Variants in CACNA1I observed in about 807,000 individuals in gnomAD.
CACNA1I encodes the protein calcium voltage-gated channel subunit alpha1 I.
CACNA1I carries 74 observed loss-of-function variants against 201.6 expected under a neutral mutation model. That is an observed-to-expected ratio of 0.37 (90% confidence interval 0.30 to 0.45). The LOEUF is 0.45. Among genes scored for constraint, CACNA1I ranks in the 20% least tolerant of loss-of-function variants. The pLI is 1.00. For missense variants in CACNA1I, 2,346 were observed against 3,138.1 expected, an observed-to-expected ratio of 0.75 and a Z score of 6.03; for synonymous variants, 1,431 against 1,345.2, an observed-to-expected ratio of 1.06 and a Z score of -1.40.
At position 39,642,908 on chromosome 22, in the gene CACNA1I, G is replaced by A. The variant is rs765233536; in HGVS notation, c.1149+19G>A. 1.3e-6 allele frequency: 2 copies of A among 1,518,640 alleles called. No individual in the cohort carries two copies. The highest frequency in any genetic ancestry group is 1.4e-5 in the African/African-American group (1 of 73,084). 94.1% of individuals were successfully genotyped at this position (1,518,640 alleles called of 1,614,324 possible). A position where few individuals can be genotyped will look rare whatever the true frequency, so the allele number is the denominator to read the frequency against. On this transcript the variant is annotated intron_variant, in intron 7 of 36. Transcript: ENST00000402142. Reference sequence around the variant, plus strand: ...TATCATAGTAAGTGTCAGGGAGCCTGGGCTCCTAGGTGTGCTCAGAACCCA... The same window carrying A: ...TATCATAGTAAGTGTCAGGGAGCCTAGGCTCCTAGGTGTGCTCAGAACCCA...
At position 39,686,408 on chromosome 22, in the gene CACNA1I, G is replaced by T; in HGVS notation, c.*3G>T. 1 of 1,242,196 alleles carries T rather than the reference G, an allele frequency of 8.1e-7. No individual in the cohort carries two copies. Among genetic ancestry groups the T allele is most frequent in the South Asian group, 2.7e-5 (1 of 36,912 alleles). The allele number at this position is 1,242,196 out of a possible 1,614,324, so 76.9% of individuals were successfully genotyped here. On this transcript the variant is annotated 3_prime_UTR_variant, in exon 37 of 37. Coordinates refer to ENST00000402142, the MANE Select transcript of CACNA1I (RefSeq NM_021096.4). Reference sequence around the variant, plus strand: ...CCGCCAGCAAGAGGAAGAGATGAGGGTCGCAGGGGCCCCCGGCCGCCCACC... The same window carrying T: ...CCGCCAGCAAGAGGAAGAGATGAGGTTCGCAGGGGCCCCCGGCCGCCCACC...
chr22:39,661,386 T>TA lies in CACNA1I; in HGVS notation c.2901+76_2901+77insA, dbSNP rs1935007358. 4.3e-6 allele frequency: 5 copies of TA among 1,149,878 alleles called. No homozygotes were observed. In the Admixed American group the frequency reaches 1.5e-4, roughly 34 times the overall value. The allele number at this position is 1,149,878 out of a possible 1,614,324, so 71.2% of individuals were successfully genotyped here. A position where few individuals can be genotyped will look rare whatever the true frequency, so the allele number is the denominator to read the frequency against. On this transcript the variant is annotated intron_variant, in intron 16 of 36. Transcript: ENST00000402142. The stretch of plus-strand genomic sequence containing the variant: ...TGGAGGGGCCCTGAAGAGAGGTACC[T>TA]GCCAGTCTAGCCTCAGACTCTGGTG...
intron 27 of CACNA1I, 65 bp from the exon 28 acceptor site, chr22:39,672,884 G>T: frequency 6.5e-7 from 1 of 1,531,592 alleles, no homozygotes; most frequent in Non-Finnish European, 8.8e-7. Context: ...CCCCCACTAA[G>T]GTGTGTCTGA....
At position 39,659,221 on chromosome 22, in the gene CACNA1I, C is replaced by A; in HGVS notation, c.2330+105C>A. The A allele has an allele frequency of 7.2e-7, 1 of 1,392,222 alleles. No individual in the cohort carries two copies. The highest frequency in any genetic ancestry group is 9.9e-7 in the Non-Finnish European group (1 of 1,014,172). The allele number at this position is 1,392,222 out of a possible 1,614,324, so 86.2% of individuals were successfully genotyped here. ...GCTTCTCTGGACAAAGCCACCTGGACCTGGGTGTGAAGCCTGACACTGTTC... is the reference window on the plus strand; with the variant it reads ...GCTTCTCTGGACAAAGCCACCTGGAACTGGGTGTGAAGCCTGACACTGTTC... On this transcript the variant is annotated intron_variant, in intron 12 of 36. Coordinates refer to ENST00000402142, the MANE Select transcript of CACNA1I (RefSeq NM_021096.4). This position sits in a 1 kb window ranked among gnomAD's most constrained non-coding sequence, Gnocchi z 4.3.
At chr22:39,653,145 G>A (rs1333540039) in intron 10 of CACNA1I, among the ~76,000 whole-genome samples, 1 of 140,820 alleles carries the variant, frequency 7.1e-6, no homozygotes, top group Non-Finnish European at 1.5e-5. Context: ...CCCCCACACA[G>A]TGGCTAAGAG....
chr22:39,687,051 G>A lies in CACNA1I; in HGVS notation c.*646G>A, dbSNP rs996487238. Reference sequence around the variant, plus strand: ...CTGTCTCGTTATTGTGAAGTCTTTCGTAGACACCCCAGAGCACACACATCC... The same window carrying A: ...CTGTCTCGTTATTGTGAAGTCTTTCATAGACACCCCAGAGCACACACATCC... On this transcript the variant is annotated 3_prime_UTR_variant, in exon 37 of 37. Coordinates refer to ENST00000402142, the MANE Select transcript of CACNA1I (RefSeq NM_021096.4). 2.0e-5 allele frequency: 3 copies of A among 152,180 alleles called. No individual in the cohort carries two copies. Among genetic ancestry groups the A allele is most frequent in the South Asian group, 2.1e-4 (1 of 4,828 alleles). 9.4% of individuals were successfully genotyped at this position (152,180 alleles called of 1,614,324 possible).
In CACNA1I at chr22:39,668,623, A is replaced by G. The variant is rs1301222467; in HGVS notation, c.4194+242A>G. Among the ~76,000 whole-genome samples the G allele has an allele frequency of 2.6e-5, 4 of 152,158 alleles. No individual in the cohort carries two copies. In the East Asian group the frequency reaches 7.7e-4, roughly 29 times the overall value. On this transcript the variant is annotated intron_variant, in intron 24 of 36. Transcript: ENST00000402142. ...ACCCCCCCACTTTGTGTGAAGAGGC[A>G]TCTGAGCTGCACCCTGCCTGGAAGG... is the stretch of plus-strand genomic sequence containing the variant.
At position 39,685,688 on chromosome 22, in the gene CACNA1I, G is replaced by T; in HGVS notation, c.6028-73G>T. 7.9e-7 allele frequency: 1 copy of T among 1,264,096 alleles called. No individual in the cohort carries two copies. Among genetic ancestry groups the T allele is most frequent in the South Asian group, 1.7e-5 (1 of 57,546 alleles). The allele number at this position is 1,264,096 out of a possible 1,614,324, so 78.3% of individuals were successfully genotyped here. A position where few individuals can be genotyped will look rare whatever the true frequency, so the allele number is the denominator to read the frequency against. On this transcript the variant is annotated intron_variant, in intron 36 of 36. Coordinates refer to ENST00000402142, the MANE Select transcript of CACNA1I (RefSeq NM_021096.4). The surrounding 1 kb of genome is among the most constrained non-coding windows in gnomAD (Gnocchi z 5.0). ...GGGTCTGCCTGCTGCCTGCTGTGCGGGGGAGGGCGGCGTCCAGGTTGCTGG... is the reference window on the plus strand; with the variant it reads ...GGGTCTGCCTGCTGCCTGCTGTGCGTGGGAGGGCGGCGTCCAGGTTGCTGG...
rs562328139 is a variant in CACNA1I, at chr22:39,634,728, A to G, written c.740+4A>G. 2 of 1,611,698 alleles carry G rather than the reference A, an allele frequency of 1.2e-6. No homozygotes were observed. The highest frequency in any genetic ancestry group is 2.7e-5 in the African/African-American group (2 of 74,980). On this transcript the variant is annotated splice_donor_region_variant and intron_variant, in intron 5 of 36. Transcript: ENST00000402142. ...TCCTGGAGGAGAACTTCACCATGTGAGTTCATCCCCTGCCACCCATGCAGC... is the reference window on the plus strand; with the variant it reads ...TCCTGGAGGAGAACTTCACCATGTGGGTTCATCCCCTGCCACCCATGCAGC...
At position 39,679,346 on chromosome 22, in the gene CACNA1I, T is replaced by G; in HGVS notation, c.5295T>G (p.Pro1765=). ...GCCTGGGCCCTGGCCCGAGGCTGCC[T>G]ACCGGCTCCCCGGGCGCCCCTGGCC... ...AHGLGPGPRL[P]TGSPGAPGRG... is the part of the protein sequence containing the mutation. Residue 1765 remains proline (P), a synonymous_variant, in exon 32 of 37, where the codon CCT becomes CCG. Coordinates refer to ENST00000402142, the MANE Select transcript of CACNA1I (RefSeq NM_021096.4). The G allele has an allele frequency of 6.5e-7, 1 of 1,542,278 alleles. No individual in the cohort carries two copies. The highest frequency in any genetic ancestry group is 8.7e-7 in the Non-Finnish European group (1 of 1,144,658).
chr22:39,605,146 G>A (rs60399984), intron 3 of CACNA1I, among the ~76,000 whole-genome samples: 4,113 of 123,570 alleles, frequency 0.033, 158 homozygotes, highest in African/African-American at 0.11. Context: ...TCTGTTCCCC[G>A]AGTAACCGGC....
chr22:39,598,035 T>C, intron 1 of CACNA1I, 116 bp from the exon 2 acceptor site: 5 of 655,086 alleles, frequency 7.6e-6, no homozygotes, highest in South Asian at 3.5e-5. Flanking sequence ...GGGAGAAGAA[T>C]GAGGAATGGG....
At chr22:39,613,127 G>GA (rs1348971656) in intron 3 of CACNA1I, among the ~76,000 whole-genome samples, 2 of 152,192 alleles carry the variant, frequency 1.3e-5, no homozygotes, top group Non-Finnish European at 2.9e-5. Flanking sequence ...GTATTTCCTG[G>GA]AAAGATGTTA....
chr22:39,583,031 A>ACCATCCATCCATCCATCCATCCAT (rs59155285), intron 1 of CACNA1I, among the ~76,000 whole-genome samples: 1 of 116,418 alleles, frequency 8.6e-6, no homozygotes, highest in African/African-American at 3.6e-5. Context: ...CAAGCACCCA[A>ACCATCCATCCATCCATCCATCCAT]CCATCCATCC....
chr22:39,662,899 T>TG, intron 18 of CACNA1I, 23 bp downstream of exon 18: 1 of 1,461,362 alleles, frequency 6.8e-7, no homozygotes, highest in Non-Finnish European at 9.4e-7. Context: ...AGGCCTGGGG[T>TG]GAGGGTTAGA....
At chr22:39,669,585 G>GTGGCTGGC (rs1327209875) in intron 24 of CACNA1I, among the ~76,000 whole-genome samples, 2 of 150,968 alleles carry the variant, frequency 1.3e-5, no homozygotes, top group African/African-American at 4.9e-5. Flanking sequence ...AAATGAATGG[G>GTGGCTGGC]TGGCTGGCTG....
Position 39,659,260 on chromosome 22 carries a change from G to A in CACNA1I, c.2330+144G>A. On this transcript the variant is annotated intron_variant, in intron 12 of 36. Transcript: ENST00000402142. The surrounding 1 kb of genome is among the most constrained non-coding windows in gnomAD (Gnocchi z 4.3). ...CTGACACTGTTCCTCAGTCCCCTGTGGCTTTCAGCAAGCATGAACCCCTAA... is the reference window on the plus strand; with the variant it reads ...CTGACACTGTTCCTCAGTCCCCTGTAGCTTTCAGCAAGCATGAACCCCTAA... The A allele has an allele frequency of 9.0e-7, 1 of 1,112,640 alleles. No homozygotes were observed. Among genetic ancestry groups the A allele is most frequent in the Non-Finnish European group, 1.3e-6 (1 of 774,034 alleles). 68.9% of individuals were successfully genotyped at this position (1,112,640 alleles called of 1,614,324 possible). A position where few individuals can be genotyped will look rare whatever the true frequency, so the allele number is the denominator to read the frequency against.
Position 39,684,943 on chromosome 22 carries a change from T to C in CACNA1I, c.6027+445T>C. On this transcript the variant is annotated intron_variant, in intron 36 of 36. Transcript: ENST00000402142. The surrounding 1 kb of genome is among the most constrained non-coding windows in gnomAD (Gnocchi z 4.6). Reference sequence around the variant, plus strand: ...GGATGAGAAGCCTCGGGCTGCAGGGTCCCCCGTACTGGATTGGCCAGGGCC... The same window carrying C: ...GGATGAGAAGCCTCGGGCTGCAGGGCCCCCCGTACTGGATTGGCCAGGGCC... 1 of 298,958 alleles carries C rather than the reference T, an allele frequency of 3.3e-6. No homozygotes were observed. Among genetic ancestry groups the C allele is most frequent in the South Asian group, 5.1e-5 (1 of 19,676 alleles). 18.5% of individuals were successfully genotyped at this position (298,958 alleles called of 1,614,324 possible). A position where few individuals can be genotyped will look rare whatever the true frequency, so the allele number is the denominator to read the frequency against.
chr22:39,645,919 TC>T (rs1306057526), intron 7 of CACNA1I, among the ~76,000 whole-genome samples: 1 of 152,188 alleles, frequency 6.6e-6, no homozygotes, highest in Non-Finnish European at 1.5e-5. Context: ...GCTTCTCTTT[TC>T]TCATCTGGGG....
Sources: gnomAD v4.1 joint callset for allele counts (sites outside exome capture counted in the v4.1 genomes callset) on GRCh38, gnomAD v4.1.1 for gene constraint, Gnocchi (gnomAD v3.1) non-coding constraint, MANE v1.5 for transcripts, NCBI Gene and HGNC (gene_info 2026-07-23, HGNC 2026-07-21) for gene names.